The following KIF21B variants were observed in gnomAD, a reference collection of about 807,000 sequenced individuals.
KIF21B encodes kinesin-like protein KIF21B.
KIF21B carries 85 observed loss-of-function variants against 192.9 expected under a neutral mutation model. That is an observed-to-expected ratio of 0.44 (90% CI 0.37 to 0.53). The LOEUF is 0.53. KIF21B is among the 20% of genes least tolerant of loss of function. The pLI, the probability that KIF21B is intolerant of heterozygous loss-of-function variation, is 0.00. For synonymous variants in KIF21B, 832 were observed against 884.6 expected (o/e 0.94, Z 1.05); for missense variants, 1,716 against 2,194.8 (o/e 0.78, Z 4.36).
In KIF21B at chr1:201,019,324, C is replaced by T. The variant is rs1208280779; in HGVS notation, c.41+4019G>A. Among the ~76,000 whole-genome samples the T allele has an allele frequency of 3.3e-5, 5 of 152,126 alleles. No homozygotes were observed. In the East Asian group the frequency reaches 5.8e-4, roughly 18 times the overall value. ...TTGTTCCCTCCAAAGATTTTATGTC[C>T]GTCTTCCTCCAAGCCACTGCTCTTC... On this transcript the variant is annotated intron_variant, in intron 1 of 34. Transcript: ENST00000461742.
chr1:200,996,666 C>G (rs538636691), intron 14 of KIF21B, among the ~76,000 whole-genome samples: 1 of 152,230 alleles, frequency 6.6e-6, no homozygotes, highest in Admixed American at 6.5e-5. Flanking sequence ...CAACTTCCCA[C>G]GAGGGTCCTG....
In KIF21B at chr1:200,990,827, C is replaced by T. The variant is rs975392901; in HGVS notation, c.2687+90G>A. The T allele has an allele frequency of 1.2e-4, 190 of 1,594,888 alleles. 2 individuals are homozygous for T. In the Middle Eastern group the frequency reaches 2.7e-3, roughly 22 times the overall value. On this transcript the variant is annotated intron_variant, in intron 18 of 34. Transcript: ENST00000461742. The surrounding 1 kb of genome is among the most constrained non-coding windows in gnomAD (Gnocchi z 5.4). ...ACAGCCACGGGGACCCGGAGCACTC[C>T]CCAGAGCTTCCCTCTTCCTCACCCT...
intron 34 of KIF21B, 99 bp downstream of exon 34, chr1:200,974,615 T>G: frequency 1.6e-6 from 2 of 1,285,198 alleles, no homozygotes; most frequent in African/African-American, 1.5e-5. Context: ...GAACCGAGCC[T>G]GCGGGGACAA....
rs2102481226 is a variant in KIF21B, at chr1:201,017,767, G to A, written c.41+5576C>T. On this transcript the variant is annotated intron_variant, in intron 1 of 34. Transcript: ENST00000461742. The surrounding 1 kb of genome is among the most constrained non-coding windows in gnomAD (Gnocchi z 4.1). ...GTCAGCCTCAGGTGGGACCAGCCCA[G>A]CCTTCATAAAGGACAGGGGGCTTCA... Among the ~76,000 whole-genome samples, 1 of 152,338 alleles carries A rather than the reference G, an allele frequency of 6.6e-6. No homozygotes were observed. Among genetic ancestry groups the A allele is most frequent in the East Asian group, 1.9e-4 (1 of 5,184 alleles).
In KIF21B at chr1:200,988,543, C is replaced by G; in HGVS notation, c.3300G>C (p.Glu1100Asp). 1.1e-6 allele frequency: 1 copy of G among 911,782 alleles called. No homozygotes were observed. Among genetic ancestry groups the G allele is most frequent in the Non-Finnish European group, 1.7e-6 (1 of 594,444 alleles). 56.5% of individuals were successfully genotyped at this position (911,782 alleles called of 1,614,324 possible). The stretch of plus-strand genomic sequence containing the variant: ...CCTCATCTGTGCTGGCGTAGCCATT[C>G]TCTGTGGGAGGGCGGGAGGGAGGGA... Reference protein sequence around the residue: ...LQALIYNVQQENGYASTDEEI... With the variant: ...LQALIYNVQQDNGYASTDEEI... The change falls in exon 23 of 35, where the codon GAG becomes GAC. Residue 1100 changes from glutamate to aspartate, a missense_variant and splice_region_variant. Physicochemically the swap from Glu to Asp is conservative, Grantham distance 45 (BLOSUM62 2). Coordinates refer to ENST00000461742, the MANE Select transcript of KIF21B (RefSeq NM_001252102.2).
chr1:200,978,528 T>C (rs1655713393), intron 30 of KIF21B, among the ~76,000 whole-genome samples: 1 of 151,072 alleles, frequency 6.6e-6, no homozygotes, highest in African/African-American at 2.4e-5. Flanking sequence ...TGAACCCATG[T>C]TGACATATTG....
At position 200,975,108 on chromosome 1, in the gene KIF21B, G is replaced by A. The variant is rs1301704772; in HGVS notation, c.4615-195C>T. On this transcript the variant is annotated intron_variant, in intron 33 of 34. Transcript: ENST00000461742. The surrounding 1 kb of genome is among the most constrained non-coding windows in gnomAD (Gnocchi z 4.3). Reference sequence around the variant, plus strand: ...TGTGGGCTTTAGGGGACCAGAGATGGGTCCCTCTGCTCTACTTCCCAGGTT... The same window carrying A: ...TGTGGGCTTTAGGGGACCAGAGATGAGTCCCTCTGCTCTACTTCCCAGGTT... Among the ~76,000 whole-genome samples the A allele has an allele frequency of 6.6e-6, 1 of 152,214 alleles. No homozygotes were observed. Among genetic ancestry groups the A allele is most frequent in the Non-Finnish European group, 1.5e-5 (1 of 68,028 alleles).
chr1:200,985,977 C>T (rs1476109568), intron 26 of KIF21B, among the ~76,000 whole-genome samples: 1 of 151,514 alleles, frequency 6.6e-6, no homozygotes, highest in Non-Finnish European at 1.5e-5. Context: ...TCCCAAGTAA[C>T]TGGGATTACA....
In KIF21B at chr1:200,994,821, CCA is replaced by C. The variant is rs1313629993; in HGVS notation, c.2277+1373_2277+1374del. Among the ~76,000 whole-genome samples, 10 of 152,216 alleles carry C rather than the reference CCA, an allele frequency of 6.6e-5. No individual in the cohort carries two copies. In the East Asian group the frequency reaches 1.5e-3, roughly 23 times the overall value. On this transcript the variant is annotated intron_variant, in intron 15 of 34. Coordinates refer to ENST00000461742, the MANE Select transcript of KIF21B (RefSeq NM_001252102.2). Reference sequence around the variant, plus strand: ...CCCCTGTTGGGAGTGCTGCTCCACCCCAGAGATAATGAAGGCCCACCAGCCCC... The same window carrying C: ...CCCCTGTTGGGAGTGCTGCTCCACCCGAGATAATGAAGGCCCACCAGCCCC...
chr1:201,004,254 A>G, intron 7 of KIF21B, 86 bp downstream of exon 7: 1 of 1,127,722 alleles, frequency 8.9e-7, no homozygotes, highest in Non-Finnish European at 1.3e-6. Context: ...CTCCTGGGGC[A>G]GGCTTGCGCC....
chr1:201,008,851 C>T lies in KIF21B; in HGVS notation c.365G>A (p.Gly122Glu). Residue 122 changes from glycine (G) to glutamate (E), a missense_variant, in exon 3 of 35, where the codon GGG (glycine) becomes GAG (glutamate). Physicochemically the swap from Gly to Glu is moderately conservative, Grantham distance 98. Transcript: ENST00000461742. The part of the protein sequence containing the change: ...IIPRAIAHLF[G>E]GIAERKRRAQ... Reference sequence around the variant, plus strand: ...CCGGCGCTTGCGCTCGGCAATGCCCCCAAAGAGGTGTGCGATGGCCCTCGG... The same window carrying T: ...CCGGCGCTTGCGCTCGGCAATGCCCTCAAAGAGGTGTGCGATGGCCCTCGG... 6.2e-7 allele frequency: 1 copy of T among 1,610,456 alleles called. No individual in the cohort carries two copies. Among genetic ancestry groups the T allele is most frequent in the South Asian group, 1.1e-5 (1 of 91,084 alleles).
At chr1:200,981,147 G>T in intron 28 of KIF21B, 51 bp from the exon 29 acceptor site, 1 of 1,551,734 alleles carries the variant, frequency 6.4e-7, no homozygotes. Context: ...GGGAGACTGT[G>T]GCCAGGCTGA....
chr1:200,980,875 T>A (rs1309539547), intron 29 of KIF21B, 85 bp downstream of exon 29: 2 of 1,518,730 alleles, frequency 1.3e-6, no homozygotes, highest in Non-Finnish European at 1.8e-6. Flanking sequence ...CTATGTTCTT[T>A]TCTCCTTCAC....
At position 200,999,864 on chromosome 1, in the gene KIF21B, G is replaced by A. The variant is rs759029641; in HGVS notation, c.1767+19C>T. 1 of 1,612,386 alleles carries A rather than the reference G, an allele frequency of 6.2e-7. No homozygotes were observed. Among genetic ancestry groups the A allele is most frequent in the Non-Finnish European group, 8.5e-7 (1 of 1,179,724 alleles). On this transcript the variant is annotated intron_variant, in intron 12 of 34. Transcript: ENST00000461742. This position sits in a 1 kb window ranked among gnomAD's most constrained non-coding sequence, Gnocchi z 4.7. ...ACAAGGCATGCATGTGGTGAGGTGG[G>A]GCGGCCCGTGCTCCTCACCTCCTCC...
chr1:200,985,258 T>C (rs1656208126), intron 26 of KIF21B, among the ~76,000 whole-genome samples: 1 of 151,878 alleles, frequency 6.6e-6, no homozygotes, highest in Non-Finnish European at 1.5e-5. Context: ...AAGGCCGAGG[T>C]GGGAGGATTG....
At chr1:200,992,676 CA>C (rs766665574) in intron 15 of KIF21B, among the ~76,000 whole-genome samples, 46 of 152,252 alleles carry the variant, frequency 3.0e-4, no homozygotes, top group Non-Finnish European at 6.3e-4. Flanking sequence ...TGGAATGCCA[CA>C]GCCCCTGGTG....
At chr1:201,005,471 G>A (rs1163843993) in intron 4 of KIF21B, 29 bp from the exon 5 acceptor site, 3 of 1,596,302 alleles carry the variant, frequency 1.9e-6, no homozygotes, top group Admixed American at 1.7e-5. Context: ...GTGAGGGCTT[G>A]GGACTACCGT....
chr1:200,993,005 G>T (rs148147346), intron 15 of KIF21B, among the ~76,000 whole-genome samples: 1 of 152,196 alleles, frequency 6.6e-6, no homozygotes. Flanking sequence ...GCCATATTCC[G>T]AAAACAAATC....
chr1:200,989,644 T>C (rs1164929822), intron 21 of KIF21B, among the ~76,000 whole-genome samples: 1 of 152,230 alleles, frequency 6.6e-6, no homozygotes, highest in Non-Finnish European at 1.5e-5. Context: ...CTGCTTTGGA[T>C]AGGCTTGGGC....
Sources: gnomAD v4.1 joint callset for allele counts (sites outside exome capture counted in the v4.1 genomes callset) on GRCh38, gnomAD v4.1.1 for gene constraint, Gnocchi (gnomAD v3.1) non-coding constraint, MANE v1.5 for transcripts, NCBI Gene and HGNC (gene_info 2026-07-23, HGNC 2026-07-21) for gene names.